The following GLI3 variants were observed in gnomAD, a reference collection of about 807,000 sequenced individuals.
GLI3 encodes transcription activator GLI3.
Under a neutral mutation model 100.8 loss-of-function variants are expected in GLI3, and 20 were observed. The observed-to-expected ratio is 0.20, with a 90% confidence interval of 0.14 to 0.29. GLI3 has a LOEUF of 0.29. GLI3 is among the 10% of genes least tolerant of loss of function. GLI3 has a pLI of 1.00. For missense variants in GLI3, 2,040 were observed against 2,128.5 expected (o/e 0.96, Z 0.82); for synonymous variants, 938 against 860.5 (o/e 1.09, Z -1.58).
chr7:42,258,117 T>A (rs988988015), intron 1 of GLI3, among the ~76,000 whole-genome samples: 4 of 152,246 alleles, frequency 2.6e-5, no homozygotes, highest in Non-Finnish European at 5.9e-5. Flanking sequence ...ATGTGATTAA[T>A]GTGCGTCTCT....
intron 3 of GLI3, chr7:42,145,622 G>GAAAAA (rs59890189): frequency 2.2e-5 from 8 of 356,290 alleles, no homozygotes; most frequent in African/African-American, 9.4e-5. Context: ...AAGAAAGAAA[G>GAAAAA]AAAAAAAAAA....
intron 2 of GLI3, among the ~76,000 whole-genome samples, chr7:42,218,786 T>C (rs534963773): frequency 3.1e-4 from 47 of 152,282 alleles, no homozygotes; most frequent in Middle Eastern, 3.4e-3. Context: ...TCCCAATAAC[T>C]ATCAGATCTG....
intron 1 of GLI3, 94 bp from the exon 2 acceptor site, chr7:42,223,389 C>G (rs941951009): frequency 8.4e-6 from 6 of 714,216 alleles, no homozygotes; most frequent in Non-Finnish European, 1.4e-5. Context: ...TGAGAAAAGC[C>G]TAGAGCTTTA....
At chr7:42,236,137 T>G (rs1442616828) in intron 1 of GLI3, among the ~76,000 whole-genome samples, 4 of 152,032 alleles carry the variant, frequency 2.6e-5, no homozygotes, top group African/African-American at 9.7e-5. Flanking sequence ...AGCGTCCGCT[T>G]CGGACAATCT....
intron 4 of GLI3, among the ~76,000 whole-genome samples, chr7:42,065,476 G>A (rs549536870): frequency 6.6e-6 from 1 of 152,028 alleles, no homozygotes; most frequent in Non-Finnish European, 1.5e-5. Flanking sequence ...ATGCATTAAA[G>A]AATAAAATAT....
chr7:41,978,427 C>T (rs905913819), intron 11 of GLI3, among the ~76,000 whole-genome samples, 172 bp downstream of exon 11: 3 of 152,316 alleles, frequency 2.0e-5, no homozygotes, highest in Admixed American at 6.5e-5. Flanking sequence ...TGCAGAGCTG[C>T]GCTGTCCAAC....
chr7:42,179,511 G>A (rs1413582555), intron 2 of GLI3, among the ~76,000 whole-genome samples: 1 of 152,148 alleles, frequency 6.6e-6, no homozygotes, highest in Non-Finnish European at 1.5e-5. Flanking sequence ...GGCTCACTGT[G>A]TTGACAACAG....
chr7:42,033,564 T>C (rs1383269634), intron 7 of GLI3, among the ~76,000 whole-genome samples: 1 of 151,932 alleles, frequency 6.6e-6, no homozygotes, highest in Non-Finnish European at 1.5e-5. Context: ...TACCAGAATG[T>C]GAGAAACTGA....
chr7:42,049,229 C>T (rs1488682245), intron 4 of GLI3, among the ~76,000 whole-genome samples: 4 of 152,184 alleles, frequency 2.6e-5, no homozygotes, highest in African/African-American at 9.7e-5. Context: ...CAGAGCTGTC[C>T]GTAAGGAAGA....
intron 2 of GLI3, among the ~76,000 whole-genome samples, chr7:42,159,882 T>C (rs1787091951): frequency 6.6e-6 from 1 of 152,198 alleles, no homozygotes; most frequent in African/African-American, 2.4e-5. Flanking sequence ...GCTGGAACCA[T>C]GGCAGGATGT....
At chr7:42,065,380 C>A (rs1363887861) in intron 4 of GLI3, among the ~76,000 whole-genome samples, 1 of 151,738 alleles carries the variant, frequency 6.6e-6, no homozygotes, top group Admixed American at 6.6e-5. Flanking sequence ...ACTGAATGTA[C>A]CCTTCATAAG....
At chr7:42,154,432 A>G (rs1786953451) in intron 2 of GLI3, among the ~76,000 whole-genome samples, 1 of 152,228 alleles carries the variant, frequency 6.6e-6, no homozygotes. Flanking sequence ...CAAGACACAG[A>G]GCATAATCGT....
chr7:42,229,305 A>G (rs1788648692), intron 1 of GLI3, among the ~76,000 whole-genome samples: 1 of 152,162 alleles, frequency 6.6e-6, no homozygotes, highest in Admixed American at 6.6e-5. Flanking sequence ...CTATTTAATG[A>G]TAACCCGATC....
In GLI3 at chr7:42,006,058, AT is replaced by A. The variant is rs756381725; in HGVS notation, c.1497+17409del. ...TGCCACTTATCCCTAATTTGAATAT[AT>A]CATCCCTCAAAAGATAAAATAAGTT... On this transcript the variant is annotated intron_variant, in intron 10 of 14. Transcript: ENST00000395925. 1.3e-4 allele frequency among the ~76,000 whole-genome samples: 20 copies of A among 152,210 alleles called. 1 individual carries two copies. Among genetic ancestry groups the A allele is most frequent in the Admixed American group, 9.2e-4 (14 of 15,284 alleles).
At chr7:41,968,301 C>T (rs550518675) in intron 13 of GLI3, among the ~76,000 whole-genome samples, 16 of 152,306 alleles carry the variant, frequency 1.1e-4, no homozygotes, top group African/African-American at 3.6e-4. Flanking sequence ...ATCTATAAAA[C>T]AGGGACCATT....
At chr7:41,979,403 T>C (rs1261197795) in intron 10 of GLI3, among the ~76,000 whole-genome samples, 1 of 152,214 alleles carries the variant, frequency 6.6e-6, no homozygotes, top group Non-Finnish European at 1.5e-5. Flanking sequence ...GTTTTCTTCT[T>C]GTAGAAAATA....
chr7:42,145,085 C>A (rs1326414119), intron 3 of GLI3, among the ~76,000 whole-genome samples: 2 of 152,292 alleles, frequency 1.3e-5, no homozygotes, highest in Admixed American at 6.5e-5. Context: ...CTAAAAAATT[C>A]ATGGAAAATT....
chr7:42,091,579 T>C (rs1562724170), intron 3 of GLI3, among the ~76,000 whole-genome samples: 3 of 152,242 alleles, frequency 2.0e-5, no homozygotes, highest in Non-Finnish European at 4.4e-5. Context: ...TGAGGGCTAA[T>C]TGGGCTTGTT....
At chr7:41,991,225 C>A (rs1393683911) in intron 10 of GLI3, among the ~76,000 whole-genome samples, 1 of 152,170 alleles carries the variant, frequency 6.6e-6, no homozygotes, top group African/African-American at 2.4e-5. Flanking sequence ...TAAAAGTAAG[C>A]TACTCAGAAG....
Sources: allele counts gnomAD v4.1 joint callset (sites outside exome capture counted in the v4.1 genomes callset), GRCh38; gene constraint gnomAD v4.1.1; transcripts MANE v1.5; gene names NCBI Gene and HGNC (gene_info 2026-07-23, HGNC 2026-07-21).